ZBED6: variants seen among roughly 807,000 people sequenced by gnomAD.
ZBED6 encodes zinc finger BED domain-containing protein 6.
ZBED6 carries 40 observed loss-of-function variants against 58.4 expected under a neutral mutation model. The observed-to-expected ratio is 0.68, with a 90% CI of 0.53 to 0.89. ZBED6 has a LOEUF of 0.89. ZBED6 is among the 40% of genes least tolerant of loss of function. ZBED6 has a pLI of 0.00. For synonymous variants in ZBED6, 439 were observed against 350.6 expected, an observed-to-expected ratio of 1.25 and a Z score of -2.82; for missense variants, 1,057 against 1,003.9, an observed-to-expected ratio of 1.05 and a Z score of -0.71.
chr1:203,848,929 G>C (rs1688620891), intron 13 of ZBED6, among the ~76,000 whole-genome samples: 1 of 152,106 alleles, frequency 6.6e-6, no homozygotes, highest in African/African-American at 2.4e-5. Context: ...CTGTTGCCCA[G>C]GCTGGAGTGC....
intron 3 of ZBED6, among the ~76,000 whole-genome samples, chr1:203,819,529 A>ATTTTTTTTCTT (rs1677715129): frequency 1.4e-5 from 1 of 72,890 alleles, no homozygotes; most frequent in African/African-American, 5.8e-5. Flanking sequence ...GCTGACTCCA[A>ATTTTTTTTCTT]TTTTTTTTTT....
chr1:203,832,423 C>T lies in ZBED6; in HGVS notation c.*3510+652C>T, dbSNP rs1026629869. On this transcript the variant is annotated intron_variant, in intron 8 of 16. Coordinates refer to ENST00000550078, the Ensembl canonical transcript of ZBED6. ...TCGCCCAGGCTAAAGTGCAATGGTGCGATCTCCACTCACTGCAACCTCCGC... is the reference window on the plus strand; with the variant it reads ...TCGCCCAGGCTAAAGTGCAATGGTGTGATCTCCACTCACTGCAACCTCCGC... Among the ~76,000 whole-genome samples the T allele has an allele frequency of 4.0e-5, 6 of 151,392 alleles. No homozygotes were observed. In the East Asian group the frequency reaches 7.8e-4, roughly 20 times the overall value.
At chr1:203,838,232 G>C (rs1684979703) in intron 10 of ZBED6, among the ~76,000 whole-genome samples, 168 bp downstream of exon 10, 1 of 152,072 alleles carries the variant, frequency 6.6e-6, no homozygotes, top group Admixed American at 6.5e-5. Flanking sequence ...TAGATTCTGG[G>C]TAGACACCAT....
chr1:203,798,429 A>G, exon 1 of ZBED6: 1 of 1,534,706 alleles, frequency 6.5e-7, no homozygotes, highest in Non-Finnish European at 8.7e-7. Context: ...CCACTTAGGG[A>G]CTTCAACACT....
chr1:203,847,387 C>T (rs4019824), exon 12 of ZBED6: 15 of 1,613,812 alleles, frequency 9.3e-6, no homozygotes, highest in East Asian at 2.2e-5. Flanking sequence ...AAAAAAACAT[C>T]GGCAGCAGGA....
chr1:203,806,858 T>G (rs1173457782), intron 1 of ZBED6, among the ~76,000 whole-genome samples: 2 of 146,344 alleles, frequency 1.4e-5, no homozygotes, highest in Non-Finnish European at 3.0e-5. Flanking sequence ...GCTATTTTAC[T>G]TGATAAAGAC....
At chr1:203,836,163 C>T (rs941881414) in intron 9 of ZBED6, among the ~76,000 whole-genome samples, 2 of 152,048 alleles carry the variant, frequency 1.3e-5, no homozygotes, top group African/African-American at 2.4e-5. Context: ...TTAGAGGATC[C>T]CTTGAGTCCA....
At chr1:203,823,279 G>A (rs1308180564) in intron 3 of ZBED6, among the ~76,000 whole-genome samples, 3 of 152,280 alleles carry the variant, frequency 2.0e-5, no homozygotes, top group East Asian at 3.9e-4. Context: ...GGAAGAATCC[G>A]TGTGCCTGTT....
intron 11 of ZBED6, among the ~76,000 whole-genome samples, chr1:203,840,786 A>G (rs1218503456): frequency 1.3e-5 from 2 of 152,034 alleles, no homozygotes; most frequent in African/African-American, 2.4e-5. Flanking sequence ...GGCGTACGCC[A>G]CCATGCCTTG....
At chr1:203,802,305 T>G (rs1333377702) in exon 1 of ZBED6, 1 of 152,628 alleles carries the variant, frequency 6.6e-6, no homozygotes, top group Non-Finnish European at 1.5e-5. Context: ...TAACAATAAC[T>G]TCATGATACT....
intron 7 of ZBED6, among the ~76,000 whole-genome samples, chr1:203,831,006 C>T (rs900893826): frequency 2.0e-4 from 25 of 126,274 alleles, no homozygotes; most frequent in Middle Eastern, 6.0e-3. Flanking sequence ...AGTGCAATGG[C>T]GCAATCTTTG....
Position 203,799,935 on chromosome 1 carries a change from T to C in ZBED6, c.2413T>C (p.Ser805Pro), listed in dbSNP as rs1336735829. The change falls in exon 1 of 17, where the codon TCT (serine) becomes CCT (proline). Residue 805 changes from serine to proline, a missense_variant. Ser to Pro is a moderately conservative substitution (Grantham distance 74). Transcript: ENST00000550078. ...AGAAGAGGTCTGTAATTATATGGAA[T>C]CTTCACCAGAGATCTGCCAAATTCC... The C allele has an allele frequency of 9.1e-6, 14 of 1,536,036 alleles. No homozygotes were observed. In the African/African-American group the frequency reaches 1.4e-4, roughly 15 times the overall value.
intron 1 of ZBED6, among the ~76,000 whole-genome samples, chr1:203,808,658 TGTC>T (rs1204237580): frequency 1.3e-5 from 2 of 152,216 alleles, no homozygotes; most frequent in African/African-American, 2.4e-5. Flanking sequence ...TTCGTGGAGA[TGTC>T]GTGTCAGTAA....
At chr1:203,810,406 T>A (rs1259556036) in intron 1 of ZBED6, among the ~76,000 whole-genome samples, 1 of 151,630 alleles carries the variant, frequency 6.6e-6, no homozygotes, top group Non-Finnish European at 1.5e-5. Flanking sequence ...TTTCTTGTTT[T>A]ACATTGTAGC....
chr1:203,835,369 C>T (rs1182207710), intron 9 of ZBED6, among the ~76,000 whole-genome samples: 1 of 152,042 alleles, frequency 6.6e-6, no homozygotes, highest in African/African-American at 2.4e-5. Context: ...AATAACTTGC[C>T]TAAGGTTATA....
chr1:203,829,959 C>T (rs1251149423), intron 6 of ZBED6, 63 bp downstream of exon 6: 1 of 1,479,542 alleles, frequency 6.8e-7, no homozygotes, highest in Non-Finnish European at 9.4e-7. Context: ...AAATTTAGTT[C>T]ACAATCATTG....
Position 203,837,290 on chromosome 1 carries a change from C to CAAA in ZBED6, c.*3574-664_*3574-662dup, listed in dbSNP as rs11372939. Among the ~76,000 whole-genome samples, 246 of 141,468 alleles carry CAAA rather than the reference C, an allele frequency of 1.7e-3. 2 individuals are homozygous for CAAA. The highest frequency in any genetic ancestry group is 5.5e-3 in the African/African-American group (211 of 38,370). The allele number at this position is 141,468 out of a possible 152,430, so 92.8% of individuals were successfully genotyped here. A position where few individuals can be genotyped will look rare whatever the true frequency, so the allele number is the denominator to read the frequency against. ...TGGGTGACAGAGTGAGATCCTGTCT[C>CAAA]AAAAAAAAAAAAAAGGGTTCTTTTG... On this transcript the variant is annotated intron_variant, in intron 9 of 16. Transcript: ENST00000550078.
chr1:203,828,881 T>C (rs1458527925), intron 4 of ZBED6, among the ~76,000 whole-genome samples: 1 of 152,236 alleles, frequency 6.6e-6, no homozygotes, highest in African/African-American at 2.4e-5. Context: ...ACTGGCTCTT[T>C]ACAGAAAATA....
chr1:203,839,280 A>G (rs1685340236), intron 10 of ZBED6, among the ~76,000 whole-genome samples: 1 of 152,210 alleles, frequency 6.6e-6, no homozygotes, highest in African/African-American at 2.4e-5. Flanking sequence ...TCTGGCCTCA[A>G]GCCATCCTTC....
Sources: gnomAD v4.1 joint callset for allele counts (sites outside exome capture counted in the v4.1 genomes callset) on GRCh38, gnomAD v4.1.1 for gene constraint, MANE v1.5 for transcripts, NCBI Gene and HGNC (gene_info 2026-07-23, HGNC 2026-07-21) for gene names.